Variants in DPP4 observed in about 807,000 individuals in gnomAD.
DPP4 encodes dipeptidyl peptidase 4.
DPP4 carries 93 observed loss-of-function variants against 122.4 expected under a neutral mutation model. The ratio of observed to expected loss-of-function variants is 0.76; its 90% CI spans 0.64 to 0.90. DPP4 has a LOEUF of 0.90. DPP4 is among the 40% of genes least tolerant of loss of function. DPP4 has a pLI of 0.00. For missense variants in DPP4, 914 were observed against 907.3 expected (o/e 1.01, Z -0.09); for synonymous variants, 321 against 302.9 (o/e 1.06, Z -0.62).
chr2:162,073,593 C>G, intron 1 of DPP4, 107 bp from the exon 2 acceptor site: 1 of 1,078,774 alleles, frequency 9.3e-7, no homozygotes, highest in Non-Finnish European at 1.4e-6. Flanking sequence ...GGTGGGAGTG[C>G]GTTAGAAGAG....
intron 2 of DPP4, among the ~76,000 whole-genome samples, chr2:162,067,799 C>A (rs980164935): frequency 1.3e-5 from 2 of 152,100 alleles, no homozygotes; most frequent in African/African-American, 4.8e-5. Flanking sequence ...TGATTTACAG[C>A]AATGAAAGGA....
At chr2:162,036,231 G>T (rs773933040) in intron 8 of DPP4, among the ~76,000 whole-genome samples, 8 of 152,110 alleles carry the variant, frequency 5.3e-5, no homozygotes, top group Non-Finnish European at 1.0e-4. Context: ...AGAATCTTAG[G>T]GTTGGGAAAT....
Position 162,009,962 on chromosome 2 carries a change from A to T in DPP4, c.1833-667T>A, listed in dbSNP as rs184707228. On this transcript the variant is annotated intron_variant, in intron 20 of 25. Transcript: ENST00000360534. ...GCACCTATTTCTTAATATTAGCCTG[A>T]CATCAAAAGAAATTTTTTTTTACTT... 1.8e-3 allele frequency among the ~76,000 whole-genome samples: 210 copies of T among 115,418 alleles called. 2 individuals are homozygous for T. Among genetic ancestry groups the T allele is most frequent in the African/African-American group, 7.7e-3 (205 of 26,576 alleles). 75.7% of individuals were successfully genotyped at this position (115,418 alleles called of 152,430 possible). A position where few individuals can be genotyped will look rare whatever the true frequency, so the allele number is the denominator to read the frequency against.
At chr2:162,025,700 G>A (rs773975312) in intron 10 of DPP4, among the ~76,000 whole-genome samples, 2 of 152,234 alleles carry the variant, frequency 1.3e-5, no homozygotes, top group African/African-American at 4.8e-5. Context: ...ATTGGCAATG[G>A]ATAGTTTATG....
Position 162,020,593 on chromosome 2 carries a change from T to C in DPP4, c.1164A>G (p.Gln388=). The change falls in exon 13 of 26, where the codon CAA becomes CAG. Residue 388 remains glutamine (Q), a synonymous_variant. Transcript: ENST00000360534. Reference sequence around the variant, plus strand: ...TAAGAATACTCACTTTTTTATCTATTTGGAAATAGCAAATGTGTCTGTAAC... The same window carrying C: ...TAAGAATACTCACTTTTTTATCTATCTGGAAATAGCAAATGTGTCTGTAAC... ...EEGYRHICYF[Q]IDKKDCTFIT... 6.2e-7 allele frequency: 1 copy of C among 1,604,202 alleles called. No homozygotes were observed. Among genetic ancestry groups the C allele is most frequent in the East Asian group, 2.2e-5 (1 of 44,790 alleles).
In DPP4 at chr2:162,038,986, G is replaced by A. The variant is rs1393476138; in HGVS notation, c.455C>T (p.Thr152Ile). The A allele has an allele frequency of 1.9e-6, 3 of 1,613,314 alleles. No individual in the cohort carries two copies. The highest frequency in any genetic ancestry group is 2.2e-5 in the South Asian group (2 of 91,078). ...LITEERIPNN[T>I]QWVTWSPVGH... ...CACTGGTGACCATGTGACCCACTGT[G>A]TGTTGTTTGGAATCCTCTCTTCTGT... Residue 152 changes from threonine (T) to isoleucine (I), a missense_variant, in exon 7 of 26, where the codon ACA becomes ATA. Transcript: ENST00000360534.
chr2:162,034,454 G>A (rs973172665), intron 9 of DPP4, among the ~76,000 whole-genome samples: 10 of 151,886 alleles, frequency 6.6e-5, no homozygotes, highest in Non-Finnish European at 1.2e-4. Flanking sequence ...GAGTGAGTTG[G>A]TAAAAATAAA....
chr2:162,026,720 C>T (rs937871799), intron 10 of DPP4, among the ~76,000 whole-genome samples: 8 of 152,174 alleles, frequency 5.3e-5, no homozygotes, highest in South Asian at 2.1e-4. Flanking sequence ...TCCAGTCTGA[C>T]GCTTCTGCAT....
chr2:162,014,005 G>A (rs992360018), intron 19 of DPP4, among the ~76,000 whole-genome samples: 3 of 152,100 alleles, frequency 2.0e-5, no homozygotes, highest in Non-Finnish European at 4.4e-5. Flanking sequence ...GGAACTAAAG[G>A]AAGAGAAACA....
intron 10 of DPP4, 71 bp downstream of exon 10, chr2:162,033,470 C>T (rs1463497048): frequency 8.5e-7 from 1 of 1,176,176 alleles, no homozygotes; most frequent in East Asian, 2.5e-5. Flanking sequence ...CTTTGCCATT[C>T]ACTTTTGAAA....
intron 10 of DPP4, chr2:162,032,135 C>T (rs1416184145): frequency 6.6e-6 from 1 of 152,192 alleles, no homozygotes; most frequent in Non-Finnish European, 1.5e-5. Flanking sequence ...AATCTGAGGG[C>T]ACCAGCTGTA....
chr2:162,017,035 A>T lies in DPP4; in HGVS notation c.1468+73T>A, dbSNP rs916197056. ...ACACAAAGCCAAAGAAAATCACACA[A>T]TGCTAAGTACATGTTAGACTTATGC... On this transcript the variant is annotated intron_variant, in intron 17 of 25. Coordinates refer to ENST00000360534, the MANE Select transcript of DPP4 (RefSeq NM_001935.4). 5.3e-6 allele frequency: 8 copies of T among 1,515,672 alleles called. No homozygotes were observed. The East Asian group carries it at 9.2e-5, about 17-fold the overall frequency. The allele number at this position is 1,515,672 out of a possible 1,614,324, so 93.9% of individuals were successfully genotyped here. A position where few individuals can be genotyped will look rare whatever the true frequency, so the allele number is the denominator to read the frequency against.
chr2:162,036,087 A>G (rs1229721529), intron 8 of DPP4, among the ~76,000 whole-genome samples: 2 of 152,176 alleles, frequency 1.3e-5, no homozygotes, highest in Non-Finnish European at 2.9e-5. Flanking sequence ...TGAGATATTC[A>G]ATCACTGGCT....
At chr2:162,057,732 G>A (rs547881109) in intron 2 of DPP4, among the ~76,000 whole-genome samples, 18 of 152,166 alleles carry the variant, frequency 1.2e-4, no homozygotes, top group African/African-American at 3.9e-4. Context: ...TTTTATCTGT[G>A]TAACCAATTT....
At chr2:162,047,627 T>C in intron 2 of DPP4, 126 bp from the exon 3 acceptor site, 1 of 547,414 alleles carries the variant, frequency 1.8e-6, no homozygotes, top group Non-Finnish European at 3.1e-6. Context: ...ACTCACAAAA[T>C]GCAAGACACA....
rs780277889 is a variant in DPP4 at position 161,995,337 on chromosome 2, T to C, written c.2088A>G (p.Lys696=). ...CATGAATAAGGAGGTACTCAACTTG[T>C]TTAAAATTTTCAGCTCTGCTCATGA... The part of the protein sequence containing the change: ...STVMSRAENF[K]QVEYLLIHGT... Residue 696 remains lysine (K), a synonymous_variant, in exon 24 of 26, where the codon AAA becomes AAG. Coordinates refer to ENST00000360534, the MANE Select transcript of DPP4 (RefSeq NM_001935.4). 6.2e-7 allele frequency: 1 copy of C among 1,614,100 alleles called. No homozygotes were observed. Among genetic ancestry groups the C allele is most frequent in the Non-Finnish European group, 8.5e-7 (1 of 1,179,946 alleles).
chr2:162,066,843 T>C (rs1308407094), intron 2 of DPP4, among the ~76,000 whole-genome samples: 2 of 152,178 alleles, frequency 1.3e-5, no homozygotes, highest in African/African-American at 4.8e-5. Flanking sequence ...GGTGCTAGGC[T>C]CTTTTTAATA....
intron 2 of DPP4, among the ~76,000 whole-genome samples, chr2:162,052,070 A>T (rs1190828082): frequency 6.6e-6 from 1 of 152,012 alleles, no homozygotes; most frequent in African/African-American, 2.4e-5. Context: ...CCGTAATCCT[A>T]GCACTTGGGA....
chr2:162,030,420 T>G (rs1308346976), intron 10 of DPP4, among the ~76,000 whole-genome samples: 1 of 152,190 alleles, frequency 6.6e-6, no homozygotes, highest in Non-Finnish European at 1.5e-5. Context: ...TGGATTTCAC[T>G]TGCTGCAGGC....
Sources: allele counts gnomAD v4.1 joint callset (sites outside exome capture counted in the v4.1 genomes callset), GRCh38; gene constraint gnomAD v4.1.1; transcripts MANE v1.5; gene names NCBI Gene and HGNC (gene_info 2026-07-23, HGNC 2026-07-21).